Variants in FAM98B observed in about 807,000 individuals in gnomAD.
FAM98B encodes the protein tRNA splicing ligase complex subunit 3B.
Under a neutral mutation model 43.9 loss-of-function variants are expected in FAM98B, and 32 were observed. The observed-to-expected ratio is 0.73, with a 90% CI of 0.55 to 0.98. The LOEUF is 0.98. Ranked by LOEUF, FAM98B falls within the 50% of genes least tolerant of loss-of-function variation. FAM98B has a pLI of 0.00. For missense variants in FAM98B, 514 were observed against 522.9 expected, an observed-to-expected ratio of 0.98 and a Z score of 0.17; for synonymous variants, 190 against 174.0, an observed-to-expected ratio of 1.09 and a Z score of -0.72.
chr15:38,456,351 A>G (rs941963998), intron 1 of FAM98B, among the ~76,000 whole-genome samples: 3 of 152,252 alleles, frequency 2.0e-5, no homozygotes, highest in Non-Finnish European at 2.9e-5. Context: ...AGTATATACC[A>G]TAGACTGACC....
intron 1 of FAM98B, among the ~76,000 whole-genome samples, chr15:38,457,539 C>A (rs1889866920): frequency 6.6e-6 from 1 of 151,916 alleles, no homozygotes; most frequent in African/African-American, 2.4e-5. Flanking sequence ...GTCAGGGAGC[C>A]ACATGTTTGG....
chr15:38,466,136 C>G (rs11857383), intron 3 of FAM98B, among the ~76,000 whole-genome samples: 48,678 of 151,494 alleles, frequency 0.32, 8,228 homozygotes, highest in East Asian at 0.53. Context: ...CATATTCCTC[C>G]TAGGCGCTAG....
Position 38,464,043 on chromosome 15 carries a change from C to A in FAM98B, c.83C>A (p.Pro28Gln). The A allele has an allele frequency of 6.2e-7, 1 of 1,608,742 alleles. No individual in the cohort carries two copies. The highest frequency in any genetic ancestry group is 8.5e-7 in the Non-Finnish European group (1 of 1,177,396). Reference protein sequence around the residue: ...DTLEALGYKGPLLEEQALTKA... With the variant: ...DTLEALGYKGQLLEEQALTKA... ...TTCTTCCTTTCTAGGTATAAAGGAC[C>A]ATTGTTAGAAGAGCAAGCCCTTACA... Residue 28 changes from proline (P) to glutamine (Q), a missense_variant, in exon 2 of 8, where the codon CCA (proline) becomes CAA (glutamine). By Grantham distance (76) the Pro-to-Gln change is moderately conservative. Transcript: ENST00000397609.
intron 4 of FAM98B, among the ~76,000 whole-genome samples, chr15:38,470,819 A>G (rs1163527513): frequency 6.6e-6 from 1 of 152,152 alleles, no homozygotes; most frequent in Non-Finnish European, 1.5e-5. Context: ...GGCAGTGAGC[A>G]TGCAGTTTTT....
chr15:38,468,753 TAG>T (rs1459155159), intron 3 of FAM98B, among the ~76,000 whole-genome samples: 1 of 152,196 alleles, frequency 6.6e-6, no homozygotes, highest in African/African-American at 2.4e-5. Context: ...CTCCTACTTG[TAG>T]ATCTACTGTT....
Position 38,474,255 on chromosome 15 carries a change from T to TAG in FAM98B, c.688_689dup (p.Asp230GlufsTer3). The TAG allele has an allele frequency of 1.2e-6, 2 of 1,613,812 alleles. No homozygotes were observed. Among genetic ancestry groups the TAG allele is most frequent in the Non-Finnish European group, 1.7e-6 (2 of 1,179,782 alleles). ...CGCCGACGAATGTTAATGAAACGAT[T>TAG]AGATGTGACTGTACAGTCCTTTGGA... On this transcript the variant is annotated frameshift_variant, in exon 6 of 8. Transcript: ENST00000397609. LOFTEE classifies it high-confidence loss of function.
chr15:38,474,459 T>G (rs1051769641), intron 6 of FAM98B, among the ~76,000 whole-genome samples, 161 bp downstream of exon 6: 3 of 152,212 alleles, frequency 2.0e-5, no homozygotes, highest in Non-Finnish European at 4.4e-5. Context: ...TGGTCTTGTA[T>G]AAATCCCTGT....
Position 38,458,977 on chromosome 15 carries a change from G to T in FAM98B, c.71+4745G>T. The stretch of plus-strand genomic sequence containing the variant: ...TGAGGTTCCTGACTTAGCAGCCCTG[G>T]TGGAACCACAGGACTCATGGAATAG... On this transcript the variant is annotated intron_variant, in intron 1 of 7. Coordinates refer to ENST00000397609, the MANE Select transcript of FAM98B (RefSeq NM_173611.4). 1.8e-5 allele frequency: 7 copies of T among 389,698 alleles called. 1 individual carries two copies. Among genetic ancestry groups the T allele is most frequent in the South Asian group, 1.5e-4 (7 of 45,232 alleles). 24.1% of individuals were successfully genotyped at this position (389,698 alleles called of 1,614,324 possible).
At chr15:38,463,528 A>G (rs138440992) in intron 1 of FAM98B, among the ~76,000 whole-genome samples, 3 of 150,750 alleles carry the variant, frequency 2.0e-5, no homozygotes, top group Admixed American at 6.6e-5. Flanking sequence ...AAATAAAATA[A>G]AATAAAATAG....
At chr15:38,454,314 C>G (rs994808314) in intron 1 of FAM98B, 82 bp downstream of exon 1, 2 of 1,451,504 alleles carry the variant, frequency 1.4e-6, no homozygotes, top group African/African-American at 1.4e-5. Flanking sequence ...CCTTGGGCCT[C>G]TGTGGGCCTG....
chr15:38,475,180 G>A (rs1890178507), intron 6 of FAM98B, among the ~76,000 whole-genome samples: 1 of 152,052 alleles, frequency 6.6e-6, no homozygotes, highest in South Asian at 2.1e-4. Flanking sequence ...TGGTTTCATG[G>A]AAAACAGTTT....
chr15:38,473,689 A>G, intron 5 of FAM98B, 104 bp downstream of exon 5: 2 of 777,708 alleles, frequency 2.6e-6, no homozygotes, highest in Non-Finnish European at 4.0e-6. Context: ...TGCATATATT[A>G]TTTTGTAGAA....
At chr15:38,476,186 A>G (rs1029008185) in intron 6 of FAM98B, among the ~76,000 whole-genome samples, 7 of 152,306 alleles carry the variant, frequency 4.6e-5, no homozygotes, top group African/African-American at 1.7e-4. Context: ...TATTTCTCTA[A>G]GAATATTGAA....
chr15:38,464,535 T>TTA (rs1889998606), intron 2 of FAM98B, among the ~76,000 whole-genome samples: 1 of 151,784 alleles, frequency 6.6e-6, no homozygotes, highest in African/African-American at 2.4e-5. Flanking sequence ...GCTTAAAATA[T>TTA]TATATATATA....
intron 1 of FAM98B, among the ~76,000 whole-genome samples, chr15:38,457,650 T>C (rs1036975026): frequency 6.6e-6 from 1 of 151,944 alleles, no homozygotes; most frequent in Non-Finnish European, 1.5e-5. Flanking sequence ...GGGTGTGAGA[T>C]AGGGTATACA....
Position 38,470,994 on chromosome 15 carries a change from A to G in FAM98B, c.531+589A>G, listed in dbSNP as rs199713205. On this transcript the variant is annotated intron_variant, in intron 4 of 7. Coordinates refer to ENST00000397609, the MANE Select transcript of FAM98B (RefSeq NM_173611.4). ...ACTAAGCAACTCTTGTTCCCTGTCAAGCCATATATTAGAGAGGATGCTACT... is the reference window on the plus strand; with the variant it reads ...ACTAAGCAACTCTTGTTCCCTGTCAGGCCATATATTAGAGAGGATGCTACT... Among the ~76,000 whole-genome samples, 10 of 151,900 alleles carry G rather than the reference A, an allele frequency of 6.6e-5. No homozygotes were observed. The East Asian group carries it at 1.9e-3, about 29-fold the overall frequency.
chr15:38,480,889 C>A (rs896135183), intron 6 of FAM98B, among the ~76,000 whole-genome samples: 12 of 151,912 alleles, frequency 7.9e-5, no homozygotes, highest in African/African-American at 2.9e-4. Flanking sequence ...GGAAAACTGA[C>A]AATAATACTT....
At chr15:38,458,764 C>A in intron 1 of FAM98B, 1 of 370,424 alleles carries the variant, frequency 2.7e-6, no homozygotes, top group South Asian at 2.4e-5. Flanking sequence ...AGAGGCCTGC[C>A]CCTACCCAAG....
intron 1 of FAM98B, chr15:38,459,051 G>A: frequency 2.9e-6 from 1 of 341,784 alleles, no homozygotes. Context: ...CACAGGGTTG[G>A]CATACTTGGC....
Sources: allele counts gnomAD v4.1 joint callset (sites outside exome capture counted in the v4.1 genomes callset), GRCh38; gene constraint gnomAD v4.1.1; transcripts MANE v1.5; gene names NCBI Gene and HGNC (gene_info 2026-07-23, HGNC 2026-07-21).